The following AUTS2 variants were observed in gnomAD, a reference collection of about 807,000 sequenced individuals.
AUTS2 encodes the protein autism susceptibility gene 2 protein.
AUTS2 carries 17 observed loss-of-function variants against 112.4 expected under a neutral mutation model. The ratio of observed to expected loss-of-function variants is 0.15; its 90% CI spans 0.10 to 0.23. The LOEUF (loss-of-function observed/expected upper bound fraction) is 0.23, where lower values mean the gene tolerates loss of function less well. AUTS2 is among the 10% of genes least tolerant of loss of function. The pLI, the probability that AUTS2 is intolerant of heterozygous loss-of-function variation, is 1.00. For missense variants in AUTS2, 1,510 were observed against 1,701.6 expected (o/e 0.89, Z 1.98); for synonymous variants, 751 against 702.7 (o/e 1.07, Z -1.09).
chr7:70,457,253 A>C (rs1429268387), intron 5 of AUTS2, among the ~76,000 whole-genome samples: 2 of 152,058 alleles, frequency 1.3e-5, no homozygotes, highest in Non-Finnish European at 2.9e-5. Flanking sequence ...CCACCTGTAA[A>C]CGGGGCTCAC....
intron 2 of AUTS2, among the ~76,000 whole-genome samples, chr7:69,964,477 A>C (rs1006997300): frequency 6.6e-6 from 1 of 152,168 alleles, no homozygotes; most frequent in Non-Finnish European, 1.5e-5. Flanking sequence ...TTCTTTGATC[A>C]GTGAATGACT....
intron 4 of AUTS2, among the ~76,000 whole-genome samples, chr7:70,253,400 A>G (rs1252552759): frequency 1.3e-5 from 2 of 152,144 alleles, no homozygotes; most frequent in Admixed American, 6.5e-5. Context: ...TGAAATTTCA[A>G]TGTCTGAAGC....
intron 5 of AUTS2, among the ~76,000 whole-genome samples, chr7:70,607,757 T>A (rs1803862480): frequency 6.6e-6 from 1 of 152,224 alleles, no homozygotes. Flanking sequence ...AAAGAACCAT[T>A]TCCTTCCACA....
intron 5 of AUTS2, among the ~76,000 whole-genome samples, chr7:70,549,854 G>A (rs1008888736): frequency 1.3e-5 from 2 of 152,156 alleles, no homozygotes; most frequent in African/African-American, 4.8e-5. Flanking sequence ...CACTCTCCAG[G>A]CTCATTTATG....
At chr7:69,855,230 A>G (rs1271926754) in intron 1 of AUTS2, among the ~76,000 whole-genome samples, 1 of 152,240 alleles carries the variant, frequency 6.6e-6, no homozygotes, top group Admixed American at 6.5e-5. Context: ...ATGGCTTCAA[A>G]AGCAAATCAG....
At chr7:70,655,176 C>A (rs1806705937) in intron 5 of AUTS2, among the ~76,000 whole-genome samples, 1 of 152,210 alleles carries the variant, frequency 6.6e-6, no homozygotes, top group African/African-American at 2.4e-5. Flanking sequence ...AGCAGCGGCC[C>A]CTGCCCACAT....
rs1457406191 is a variant in AUTS2 at position 70,194,486 on chromosome 7, G to A, written c.660+59915G>A. Among the ~76,000 whole-genome samples, 14 of 152,126 alleles carry A rather than the reference G, an allele frequency of 9.2e-5. No individual in the cohort carries two copies. The East Asian group carries it at 2.5e-3, about 27-fold the overall frequency. Reference sequence around the variant, plus strand: ...CATTGTCTTTCTTTTCTACAATCCAGTTTAGATACTTTCTGGACTAACCAT... The same window carrying A: ...CATTGTCTTTCTTTTCTACAATCCAATTTAGATACTTTCTGGACTAACCAT... On this transcript the variant is annotated intron_variant, in intron 4 of 18. Transcript: ENST00000342771.
chr7:70,388,883 A>G (rs926559935), intron 4 of AUTS2, among the ~76,000 whole-genome samples: 30 of 152,262 alleles, frequency 2.0e-4, no homozygotes, highest in Admixed American at 1.0e-3. Context: ...TTATTTCCTC[A>G]GAGGACTAGA....
chr7:69,869,548 A>G (rs1003345458), intron 1 of AUTS2, among the ~76,000 whole-genome samples: 2 of 152,102 alleles, frequency 1.3e-5, no homozygotes, highest in African/African-American at 4.8e-5. Context: ...ATATATACAC[A>G]CACACACTCA....
chr7:69,606,221 G>C (rs1792707602), intron 1 of AUTS2, among the ~76,000 whole-genome samples: 1 of 152,184 alleles, frequency 6.6e-6, no homozygotes, highest in African/African-American at 2.4e-5. Flanking sequence ...TAGATTCTGA[G>C]ACTCTTCTAC....
chr7:70,135,937 C>T (rs957923721), intron 4 of AUTS2, among the ~76,000 whole-genome samples: 1 of 152,310 alleles, frequency 6.6e-6, no homozygotes, highest in East Asian at 1.9e-4. Flanking sequence ...AAGCCTCCCC[C>T]TTTGCTTTCT....
At chr7:70,603,816 C>T (rs945260187) in intron 5 of AUTS2, among the ~76,000 whole-genome samples, 9 of 152,260 alleles carry the variant, frequency 5.9e-5, no homozygotes, top group East Asian at 1.9e-4. Flanking sequence ...ATATGCATTT[C>T]GTGATACCCA....
intron 5 of AUTS2, among the ~76,000 whole-genome samples, chr7:70,603,185 A>C (rs1400869300): frequency 6.6e-6 from 1 of 151,960 alleles, no homozygotes; most frequent in African/African-American, 2.4e-5. Flanking sequence ...AAGGTGAGCA[A>C]AATTGGCATT....
At chr7:69,797,813 G>A (rs1466860520) in intron 1 of AUTS2, among the ~76,000 whole-genome samples, 1 of 152,082 alleles carries the variant, frequency 6.6e-6, no homozygotes, top group African/African-American at 2.4e-5. Flanking sequence ...TCTTGTAAAG[G>A]TTACAAACAT....
At chr7:70,725,315 A>G (rs187778541) in intron 6 of AUTS2, among the ~76,000 whole-genome samples, 31 of 152,290 alleles carry the variant, frequency 2.0e-4, no homozygotes, top group African/African-American at 7.2e-4. Flanking sequence ...AATGTCATCA[A>G]CTTGGAGCAT....
intron 5 of AUTS2, among the ~76,000 whole-genome samples, chr7:70,455,004 C>G (rs1364496796): frequency 6.6e-6 from 1 of 152,168 alleles, no homozygotes; most frequent in Non-Finnish European, 1.5e-5. Flanking sequence ...AGTCCAGTAC[C>G]CTTGTTGATT....
At chr7:70,152,214 C>G (rs934175430) in intron 4 of AUTS2, among the ~76,000 whole-genome samples, 6 of 151,990 alleles carry the variant, frequency 3.9e-5, no homozygotes, top group Non-Finnish European at 7.4e-5. Context: ...CAGTCTAATG[C>G]ATGTAAATTG....
At chr7:69,658,621 G>A (rs1410094754) in intron 1 of AUTS2, among the ~76,000 whole-genome samples, 1 of 152,102 alleles carries the variant, frequency 6.6e-6, no homozygotes, top group African/African-American at 2.4e-5. Context: ...TAAAGAAATG[G>A]CATGACTCTT....
Position 70,371,261 on chromosome 7 carries a change from T to C in AUTS2, c.661-64491T>C, listed in dbSNP as rs1279831645. 2.6e-5 allele frequency among the ~76,000 whole-genome samples: 4 copies of C among 152,240 alleles called. No individual in the cohort carries two copies. In the East Asian group the frequency reaches 7.7e-4, roughly 29 times the overall value. ...AATGTTTGGGGATATAGCCCAGGTA[T>C]CTGTAGTTTTTAAAATCTCCTCACA... On this transcript the variant is annotated intron_variant, in intron 4 of 18. Transcript: ENST00000342771.
Sources: gnomAD v4.1 joint callset for allele counts (sites outside exome capture counted in the v4.1 genomes callset) on GRCh38, gnomAD v4.1.1 for gene constraint, MANE v1.5 for transcripts, NCBI Gene and HGNC (gene_info 2026-07-23, HGNC 2026-07-21) for gene names.